Variants in GALNT17 observed in about 807,000 individuals in gnomAD.
GALNT17 encodes the protein polypeptide N-acetylgalactosaminyltransferase 17.
A neutral mutation model predicts 63.7 loss-of-function variants in GALNT17; 29 were observed. The ratio of observed to expected loss-of-function variants is 0.46; its 90% CI spans 0.34 to 0.62. GALNT17 has a LOEUF of 0.62. GALNT17 is among the 20% of genes least tolerant of loss of function. The probability of loss-of-function intolerance (pLI) is 0.01; values close to 1 mark genes in which losing one functional copy is unlikely to be tolerated. For synonymous variants in GALNT17, 305 were observed against 318.3 expected, an observed-to-expected ratio of 0.96 and a Z score of 0.45; for missense variants, 603 against 799.6, an observed-to-expected ratio of 0.75 and a Z score of 2.97.
chr7:71,654,104 CTCCTGAGT>C (rs1420247820), intron 6 of GALNT17, among the ~76,000 whole-genome samples: 4 of 152,160 alleles, frequency 2.6e-5, no homozygotes, highest in African/African-American at 9.7e-5. Context: ...CAGCCTCCAC[CTCCTGAGT>C]TCAAGCTATT....
At chr7:71,187,500 C>T (rs1788873294) in intron 1 of GALNT17, among the ~76,000 whole-genome samples, 1 of 152,080 alleles carries the variant, frequency 6.6e-6, no homozygotes, top group Admixed American at 6.6e-5. Flanking sequence ...TTGTTCGTAT[C>T]ATTGTTACTT....
At chr7:71,420,538 A>G (rs1377245470) in intron 4 of GALNT17, among the ~76,000 whole-genome samples, 2 of 152,236 alleles carry the variant, frequency 1.3e-5, no homozygotes, top group Non-Finnish European at 2.9e-5. Context: ...ACGACACTGT[A>G]TAAAACTGTC....
chr7:71,703,019 AT>A (rs1330956357), intron 9 of GALNT17, among the ~76,000 whole-genome samples: 1 of 152,224 alleles, frequency 6.6e-6, no homozygotes, highest in East Asian at 1.9e-4. Flanking sequence ...CAAAGTTGGA[AT>A]TGAGAGAAAT....
intron 1 of GALNT17, among the ~76,000 whole-genome samples, chr7:71,268,607 A>T (rs917600063): frequency 2.0e-4 from 30 of 151,918 alleles, no homozygotes; most frequent in African/African-American, 7.2e-4. Flanking sequence ...AAAAAAAGAG[A>T]TTGGGCTGCC....
chr7:71,288,700 C>T (rs1228445302), intron 1 of GALNT17, among the ~76,000 whole-genome samples: 1 of 152,116 alleles, frequency 6.6e-6, no homozygotes, highest in Non-Finnish European at 1.5e-5. Context: ...TCCTCATTTT[C>T]TGCTTTGATG....
chr7:71,276,245 T>G (rs34628923), intron 1 of GALNT17, among the ~76,000 whole-genome samples: 55,933 of 151,532 alleles, frequency 0.37, 10,700 homozygotes, highest in East Asian at 0.59. Flanking sequence ...GGGGTGGGGG[T>G]GGTCCATAAG....
chr7:71,497,495 C>G (rs1262987190), intron 5 of GALNT17, among the ~76,000 whole-genome samples: 1 of 152,100 alleles, frequency 6.6e-6, no homozygotes, highest in Non-Finnish European at 1.5e-5. Flanking sequence ...GTGAGCACAC[C>G]GAATTACGGC....
intron 5 of GALNT17, among the ~76,000 whole-genome samples, chr7:71,486,515 C>G (rs929378157): frequency 8.6e-5 from 13 of 151,814 alleles, no homozygotes; most frequent in African/African-American, 3.1e-4. Context: ...GCAGACAGCT[C>G]TTGGTGCTCC....
At chr7:71,158,751 AT>A (rs1338603674) in intron 1 of GALNT17, among the ~76,000 whole-genome samples, 17 of 151,326 alleles carry the variant, frequency 1.1e-4, no homozygotes, top group Admixed American at 2.6e-4. Context: ...TAATTTTTGT[AT>A]TTTTAGTAGA....
chr7:71,378,435 G>A (rs1792784560), intron 2 of GALNT17, among the ~76,000 whole-genome samples: 1 of 152,100 alleles, frequency 6.6e-6, no homozygotes, highest in Admixed American at 6.6e-5. Flanking sequence ...AAATTGGGCT[G>A]GTTAATGCAC....
chr7:71,709,145 C>T (rs1253646901), intron 9 of GALNT17, among the ~76,000 whole-genome samples: 1 of 152,156 alleles, frequency 6.6e-6, no homozygotes, highest in Non-Finnish European at 1.5e-5. Flanking sequence ...AACTTCTTTC[C>T]ACAGTGGATG....
chr7:71,542,008 C>T (rs529389869), intron 5 of GALNT17, among the ~76,000 whole-genome samples: 3 of 151,982 alleles, frequency 2.0e-5, no homozygotes, highest in Non-Finnish European at 4.4e-5. Flanking sequence ...AGAGCACTTG[C>T]TAAGTGAAAA....
chr7:71,150,671 C>G (rs868263326), intron 1 of GALNT17, among the ~76,000 whole-genome samples: 15 of 151,770 alleles, frequency 9.9e-5, no homozygotes, highest in Non-Finnish European at 2.1e-4. Context: ...CCACCATGCC[C>G]GGCTAATTTT....
At chr7:71,495,281 A>G (rs1766266964) in intron 5 of GALNT17, among the ~76,000 whole-genome samples, 1 of 152,084 alleles carries the variant, frequency 6.6e-6, no homozygotes, top group South Asian at 2.1e-4. Context: ...ATCTCAAAAA[A>G]AAAAGAAAAG....
intron 5 of GALNT17, among the ~76,000 whole-genome samples, chr7:71,534,994 T>C (rs1788781506): frequency 6.6e-6 from 1 of 152,188 alleles, no homozygotes; most frequent in Admixed American, 6.5e-5. Context: ...TCTTAAATTC[T>C]GTACAAAGAG....
chr7:71,677,276 A>G lies in GALNT17; in HGVS notation c.1470A>G (p.Ile490Met). The G allele has an allele frequency of 6.2e-7, 1 of 1,613,926 alleles. No individual in the cohort carries two copies. Among genetic ancestry groups the G allele is most frequent in the Non-Finnish European group, 8.5e-7 (1 of 1,179,954 alleles). The change falls in exon 9 of 11, where the codon ATA becomes ATG. Residue 490 changes from isoleucine (I) to methionine (M), a missense_variant. Around this residue, in one of 3 missense-constraint regions of GALNT17, gnomAD observed 336 missense variants for 507.8 expected, o/e 0.66. Coordinates refer to ENST00000333538, the MANE Select transcript of GALNT17 (RefSeq NM_022479.3). ...GGCCGCTGGAGAACCACACAGCAAT[A>G]TTGTATCCGTGCCATGGCTGGGGAC... The part of the protein sequence containing the change: ...DQGPLENHTA[I>M]LYPCHGWGPQ...
chr7:71,267,214 C>T (rs1412906254), intron 1 of GALNT17, among the ~76,000 whole-genome samples: 1 of 152,190 alleles, frequency 6.6e-6, no homozygotes, highest in African/African-American at 2.4e-5. Flanking sequence ...CTGGTTCTGT[C>T]GAGCTCCCCA....
At chr7:71,176,244 G>A (rs570581163) in intron 1 of GALNT17, among the ~76,000 whole-genome samples, 3 of 152,164 alleles carry the variant, frequency 2.0e-5, no homozygotes, top group East Asian at 1.9e-4. Context: ...ATATACCGCC[G>A]CTGTCGCCCC....
At chr7:71,133,726 C>T (rs1787730992) in intron 1 of GALNT17, among the ~76,000 whole-genome samples, 1 of 152,088 alleles carries the variant, frequency 6.6e-6, no homozygotes, top group Non-Finnish European at 1.5e-5. Flanking sequence ...GAATCTGTCC[C>T]ATCTAAAATG....
Sources: gnomAD v4.1 joint callset for allele counts (sites outside exome capture counted in the v4.1 genomes callset) on GRCh38, gnomAD v4.1.1 for gene constraint, gnomAD v4.1.1 regional missense constraint, MANE v1.5 for transcripts, NCBI Gene and HGNC (gene_info 2026-07-23, HGNC 2026-07-21) for gene names.